Variants in CYP3A43 observed in about 807,000 individuals in gnomAD.
The protein encoded by CYP3A43 is cytochrome P450 family 3 subfamily A member 43, also known as cytochrome P450 3A43.
Under a neutral mutation model 58.0 loss-of-function variants are expected in CYP3A43, and 45 were observed. The observed-to-expected ratio is 0.78, with a 90% CI of 0.61 to 0.99. The LOEUF (loss-of-function observed/expected upper bound fraction) is 0.99. Ranked by LOEUF, CYP3A43 falls within the 50% of genes least tolerant of loss-of-function variation. The pLI, the probability that CYP3A43 is intolerant of heterozygous loss-of-function variation, is 0.00. For synonymous variants in CYP3A43, 191 were observed against 201.4 expected (o/e 0.95, Z 0.44); for missense variants, 593 against 591.9 (o/e 1.00, Z -0.02).
intron 10 of CYP3A43, among the ~76,000 whole-genome samples, chr7:99,861,035 G>A (rs920541432): frequency 2.2e-4 from 33 of 151,944 alleles, no homozygotes; most frequent in Non-Finnish European, 7.4e-5. Flanking sequence ...TACTATGCCC[G>A]GCTAATTTTT....
At chr7:99,848,360 C>A in intron 6 of CYP3A43, 106 bp downstream of exon 6, 1 of 1,239,944 alleles carries the variant, frequency 8.1e-7, no homozygotes, top group Non-Finnish European at 1.1e-6. Context: ...CGGACAAAAG[C>A]AGGGCTGTGG....
At chr7:99,850,953 G>C (rs941224772) in intron 7 of CYP3A43, among the ~76,000 whole-genome samples, 3 of 152,070 alleles carry the variant, frequency 2.0e-5, no homozygotes, top group African/African-American at 4.8e-5. Context: ...CAGATCACAA[G>C]GTCAAGAGAT....
At chr7:99,838,554 G>A in intron 2 of CYP3A43, 2 of 653,480 alleles carry the variant, frequency 3.1e-6, no homozygotes, top group Non-Finnish European at 4.4e-6. Flanking sequence ...AAGACAATGA[G>A]TTGCTTAGTG....
intron 3 of CYP3A43, among the ~76,000 whole-genome samples, chr7:99,840,579 C>G (rs569826748): frequency 1.3e-5 from 2 of 152,182 alleles, no homozygotes; most frequent in African/African-American, 4.8e-5. Flanking sequence ...TCGATGAGAG[C>G]TAATTGGTGC....
At position 99,865,892 on chromosome 7, in the gene CYP3A43, T is replaced by C. The variant is rs754774973; in HGVS notation, c.1417-14T>C. On this transcript the variant is annotated splice_polypyrimidine_tract_variant and intron_variant, in intron 12 of 12. Coordinates refer to ENST00000354829, the MANE Select transcript of CYP3A43 (RefSeq NM_057095.3). Reference sequence around the variant, plus strand: ...GCTTCATTGTTTCTGAATATTCTTGTTTAACTTTTGCAGATCCCACTGAAA... The same window carrying C: ...GCTTCATTGTTTCTGAATATTCTTGCTTAACTTTTGCAGATCCCACTGAAA... 1 of 1,530,820 alleles carries C rather than the reference T, an allele frequency of 6.5e-7. No individual in the cohort carries two copies. The highest frequency in any genetic ancestry group is 1.2e-5 in the South Asian group (1 of 83,868). 94.8% of individuals were successfully genotyped at this position (1,530,820 alleles called of 1,614,324 possible).
chr7:99,861,905 C>A, intron 11 of CYP3A43, 66 bp downstream of exon 11: 1 of 1,363,982 alleles, frequency 7.3e-7, no homozygotes, highest in Non-Finnish European at 1.0e-6. Context: ...CTGCCTCTCT[C>A]GATGCACATG....
intron 2 of CYP3A43, among the ~76,000 whole-genome samples, chr7:99,836,814 C>T (rs1817102050): frequency 6.6e-6 from 1 of 152,094 alleles, no homozygotes; most frequent in Non-Finnish European, 1.5e-5. Context: ...ACTTTGCGAA[C>T]CATAAAGAGG....
At chr7:99,855,771 G>T in intron 8 of CYP3A43, 53 bp downstream of exon 8, 1 of 1,536,812 alleles carries the variant, frequency 6.5e-7, no homozygotes, top group Non-Finnish European at 8.8e-7. Flanking sequence ...TTATATTTTT[G>T]GGCTGTTTAC....
chr7:99,835,432 A>G (rs1205012863), intron 1 of CYP3A43, among the ~76,000 whole-genome samples: 1 of 152,210 alleles, frequency 6.6e-6, no homozygotes, highest in Non-Finnish European at 1.5e-5. Context: ...GATTATGAAC[A>G]TATGCGGTAT....
chr7:99,858,599 A>G (rs1337085433), intron 9 of CYP3A43, among the ~76,000 whole-genome samples: 6 of 151,618 alleles, frequency 4.0e-5, no homozygotes, highest in Non-Finnish European at 5.9e-5. Context: ...CACTCACTAG[A>G]CCCTATTGTT....
intron 11 of CYP3A43, among the ~76,000 whole-genome samples, chr7:99,863,048 A>T (rs1818303402): frequency 6.6e-6 from 1 of 152,218 alleles, no homozygotes; most frequent in Admixed American, 6.5e-5. Flanking sequence ...GTTGTGAAGA[A>T]TGTTTGACAT....
At chr7:99,842,871 T>A (rs1817389596) in intron 3 of CYP3A43, among the ~76,000 whole-genome samples, 1 of 152,184 alleles carries the variant, frequency 6.6e-6, no homozygotes, top group Non-Finnish European at 1.5e-5. Flanking sequence ...TCTTTTAGTA[T>A]ACATATCCTC....
At chr7:99,848,336 GT>G in intron 6 of CYP3A43, 82 bp downstream of exon 6, 1 of 1,423,152 alleles carries the variant, frequency 7.0e-7, no homozygotes, top group Non-Finnish European at 9.8e-7. Flanking sequence ...CCACTGTTGG[GT>G]TACTCCAGTG....
chr7:99,848,033 G>A (rs1383076468), intron 5 of CYP3A43, 133 bp from the exon 6 acceptor site: 1 of 884,922 alleles, frequency 1.1e-6, no homozygotes, highest in South Asian at 1.7e-5. Context: ...GCAGGGGGCG[G>A]TCTTTTCTAT....
intron 2 of CYP3A43, among the ~76,000 whole-genome samples, chr7:99,838,336 T>C (rs1817178834): frequency 6.6e-6 from 1 of 152,246 alleles, no homozygotes; most frequent in African/African-American, 2.4e-5. Context: ...CCTGATGTTT[T>C]TGACTTTCTA....
At position 99,855,733 on chromosome 7, in the gene CYP3A43, TGG is replaced by T; in HGVS notation, c.798+16_798+17del. The T allele has an allele frequency of 1.3e-6, 2 of 1,596,166 alleles. No homozygotes were observed. Among genetic ancestry groups the T allele is most frequent in the Non-Finnish European group, 8.5e-7 (1 of 1,171,234 alleles). ...ATAAACAAAAGGTAAAATCTGGTGG[TGG>T]TGACATGAGAATGTTCACTTTTTTA... On this transcript the variant is annotated intron_variant, in intron 8 of 12. Transcript: ENST00000354829.
At chr7:99,839,204 G>C in intron 3 of CYP3A43, 32 bp downstream of exon 3, 1 of 1,612,466 alleles carries the variant, frequency 6.2e-7, no homozygotes, top group Non-Finnish European at 8.5e-7. Flanking sequence ...ATTGGATAGA[G>C]CTGTTGCTAT....
chr7:99,856,860 A>G lies in CYP3A43; in HGVS notation c.826A>G (p.Ile276Val). Residue 276 changes from isoleucine to valine, a missense_variant, in exon 9 of 13, where the codon ATC (isoleucine) becomes GTC (valine). Physicochemically the swap from Ile to Val is conservative, Grantham distance 29 (BLOSUM62 3). Transcript: ENST00000354829. Reference sequence around the variant, plus strand: ...TCGAGTAGATTTCTTTCAACAGATGATCGACTCCCAGAATTCCAAAGAAAC... The same window carrying G: ...TCGAGTAGATTTCTTTCAACAGATGGTCGACTCCCAGAATTCCAAAGAAAC... ...KHRVDFFQQM[I>V]DSQNSKETKS... The G allele has an allele frequency of 1.2e-6, 2 of 1,614,002 alleles. No individual in the cohort carries two copies. Among genetic ancestry groups the G allele is most frequent in the East Asian group, 4.5e-5 (2 of 44,882 alleles).
chr7:99,856,806 C>T, intron 8 of CYP3A43, 27 bp from the exon 9 acceptor site: 1 of 1,612,984 alleles, frequency 6.2e-7, no homozygotes, highest in Non-Finnish European at 8.5e-7. Context: ...GACTTTCTGT[C>T]ATTAAAATTT....
Sources: allele counts gnomAD v4.1 joint callset (sites outside exome capture counted in the v4.1 genomes callset), GRCh38; gene constraint gnomAD v4.1.1; transcripts MANE v1.5; gene names NCBI Gene and HGNC (gene_info 2026-07-23, HGNC 2026-07-21).